The following DSCAM variants were observed in gnomAD, a reference collection of about 807,000 sequenced individuals.
DSCAM encodes cell adhesion molecule DSCAM.
Under a neutral mutation model 217.7 loss-of-function variants are expected in DSCAM, and 47 were observed. The ratio of observed to expected loss-of-function variants is 0.22; its 90% confidence interval spans 0.17 to 0.28. DSCAM has a LOEUF of 0.28. Among genes scored for constraint, DSCAM ranks in the 10% least tolerant of loss-of-function variants. The pLI, the probability that DSCAM is intolerant of heterozygous loss-of-function variation, is 1.00. For missense variants in DSCAM, 2,080 were observed against 2,618.3 expected (o/e 0.79, Z 4.49); for synonymous variants, 1,056 against 1,015.3 (o/e 1.04, Z -0.76).
intron 32 of DSCAM, among the ~76,000 whole-genome samples, chr21:40,027,201 G>A (rs1228349375): frequency 6.6e-6 from 1 of 152,292 alleles, no homozygotes; most frequent in Non-Finnish European, 1.5e-5. Flanking sequence ...GTTGAATATT[G>A]GCCCCCACTC....
intron 3 of DSCAM, among the ~76,000 whole-genome samples, chr21:40,549,387 C>T (rs957497167): frequency 1.3e-5 from 2 of 151,938 alleles, no homozygotes; most frequent in East Asian, 1.9e-4. Flanking sequence ...TCATTTACTT[C>T]GAGATAAAAA....
At chr21:40,438,410 G>T (rs534625500) in intron 3 of DSCAM, among the ~76,000 whole-genome samples, 1 of 152,292 alleles carries the variant, frequency 6.6e-6, no homozygotes, top group South Asian at 2.1e-4. Flanking sequence ...GTTGATGAAT[G>T]AATGAATGAG....
intron 27 of DSCAM, among the ~76,000 whole-genome samples, chr21:40,073,003 C>T (rs2089317923): frequency 6.6e-6 from 1 of 152,126 alleles, no homozygotes; most frequent in Admixed American, 6.5e-5. Flanking sequence ...CTGGAGATAG[C>T]CCTTGTACAG....
intron 1 of DSCAM, among the ~76,000 whole-genome samples, chr21:40,833,458 T>C (rs576555114): frequency 3.3e-4 from 50 of 152,182 alleles, no homozygotes; most frequent in African/African-American, 1.2e-3. Context: ...CGAGAGAAAA[T>C]GCATTCAGAG....
intron 1 of DSCAM, among the ~76,000 whole-genome samples, chr21:40,790,797 TAGTA>T (rs1343515897): frequency 6.6e-6 from 1 of 152,118 alleles, no homozygotes; most frequent in African/African-American, 2.4e-5. Context: ...AACAAGTAAA[TAGTA>T]AGTATTCCAC....
intron 13 of DSCAM, among the ~76,000 whole-genome samples, 199 bp from the exon 14 acceptor site, chr21:40,187,458 A>C (rs74675745): frequency 3.9e-5 from 6 of 152,216 alleles, no homozygotes; most frequent in Admixed American, 6.5e-5. Context: ...TCCAATTTTC[A>C]TAGCCCTTAA....
intron 9 of DSCAM, among the ~76,000 whole-genome samples, chr21:40,301,942 A>G (rs1168005909): frequency 6.6e-6 from 1 of 152,226 alleles, no homozygotes; most frequent in Non-Finnish European, 1.5e-5. Context: ...ACTCTGGCCA[A>G]GAAGATACAG....
chr21:40,647,956 A>G (rs8129926), intron 3 of DSCAM, among the ~76,000 whole-genome samples: 57,830 of 151,938 alleles, frequency 0.38, 11,814 homozygotes, highest in East Asian at 0.6. Flanking sequence ...GATGTGCTGC[A>G]TAGGGGGAGG....
chr21:40,181,184 A>G (rs2090796116), intron 14 of DSCAM, among the ~76,000 whole-genome samples: 1 of 151,578 alleles, frequency 6.6e-6, no homozygotes, highest in East Asian at 1.9e-4. Context: ...ACGCCTAAGA[A>G]CTTTTTTATT....
intron 1 of DSCAM, among the ~76,000 whole-genome samples, chr21:40,765,145 T>C (rs1424632513): frequency 1.3e-5 from 2 of 151,124 alleles, no homozygotes; most frequent in Admixed American, 6.6e-5. Flanking sequence ...GAACCAAAAG[T>C]ACTTACTATA....
intron 2 of DSCAM, among the ~76,000 whole-genome samples, chr21:40,707,799 A>G (rs1457055109): frequency 6.6e-6 from 1 of 152,204 alleles, no homozygotes; most frequent in Non-Finnish European, 1.5e-5. Flanking sequence ...TCCTGTATAT[A>G]TAGCCCTTGA....
intron 3 of DSCAM, among the ~76,000 whole-genome samples, chr21:40,585,057 G>A (rs1179291577): frequency 6.6e-6 from 1 of 152,030 alleles, no homozygotes; most frequent in Non-Finnish European, 1.5e-5. Flanking sequence ...TTGTCATGTG[G>A]GAGGCCATGT....
rs192522463 is a variant in DSCAM at position 40,793,663 on chromosome 21, G to A, written c.43+52956C>T. Among the ~76,000 whole-genome samples, 541 of 151,958 alleles carry A rather than the reference G, an allele frequency of 3.6e-3. 10 individuals are homozygous for A. Among genetic ancestry groups the A allele is most frequent in the East Asian group, 5.4e-3 (28 of 5,140 alleles). On this transcript the variant is annotated intron_variant, in intron 1 of 32. Transcript: ENST00000400454. ...ACGCCACCATGGCTGGCTAATTTTCGTATTTTTAGTAGAGACGGGGTTCCA... is the reference window on the plus strand; with the variant it reads ...ACGCCACCATGGCTGGCTAATTTTCATATTTTTAGTAGAGACGGGGTTCCA...
intron 11 of DSCAM, among the ~76,000 whole-genome samples, chr21:40,265,191 G>A (rs1485598053): frequency 5.6e-5 from 8 of 143,452 alleles, no homozygotes; most frequent in Non-Finnish European, 4.5e-5. Context: ...GCAAAATTCC[G>A]TCTCAAAAAA....
At chr21:40,365,411 C>T in intron 4 of DSCAM, among the ~76,000 whole-genome samples, 1 of 152,194 alleles carries the variant, frequency 6.6e-6, no homozygotes, top group Admixed American at 6.5e-5. Context: ...CGACCACAGA[C>T]TGAAGGGTGC....
chr21:40,150,570 C>T (rs568548581), intron 16 of DSCAM, among the ~76,000 whole-genome samples: 9 of 152,188 alleles, frequency 5.9e-5, no homozygotes, highest in Non-Finnish European at 1.3e-4. Context: ...TTCAGGTTTT[C>T]GAAAATGACA....
In DSCAM at chr21:40,016,153, G is replaced by A. The variant is rs1468683991; in HGVS notation, c.5687-2767C>T. Among the ~76,000 whole-genome samples the A allele has an allele frequency of 6.6e-6, 1 of 152,152 alleles. No individual in the cohort carries two copies. The highest frequency in any genetic ancestry group is 6.5e-5 in the Admixed American group (1 of 15,268). ...AGGGTAAAGGATGTGCAGGGAGAGAGATATGATGATGGTCTGAGCTCAGGA... is the reference window on the plus strand; with the variant it reads ...AGGGTAAAGGATGTGCAGGGAGAGAAATATGATGATGGTCTGAGCTCAGGA... On this transcript the variant is annotated intron_variant, in intron 32 of 32. Coordinates refer to ENST00000400454, the MANE Select transcript of DSCAM (RefSeq NM_001389.5). The surrounding 1 kb of genome is among the most constrained non-coding windows in gnomAD (Gnocchi z 4.3).
chr21:40,785,080 A>G (rs2837817), intron 1 of DSCAM, among the ~76,000 whole-genome samples: 69,525 of 152,140 alleles, frequency 0.46, 17,632 homozygotes, highest in South Asian at 0.66. Context: ...AAAGCTTTTT[A>G]GAAGTAGAGA....
intron 16 of DSCAM, among the ~76,000 whole-genome samples, chr21:40,152,772 C>T (rs902931170): frequency 3.3e-5 from 5 of 152,242 alleles, no homozygotes; most frequent in Admixed American, 6.5e-5. Context: ...AAACAGTAGA[C>T]GTGCAAATGC....
Sources: allele counts gnomAD v4.1 joint callset (sites outside exome capture counted in the v4.1 genomes callset), GRCh38; gene constraint gnomAD v4.1.1; non-coding constraint Gnocchi (gnomAD v3.1); transcripts MANE v1.5; gene names NCBI Gene and HGNC (gene_info 2026-07-23, HGNC 2026-07-21).